The following PAIP2B variants were observed in gnomAD, a reference collection of about 807,000 sequenced individuals.
PAIP2B encodes polyadenylate-binding protein-interacting protein 2B.
A neutral mutation model predicts 17.0 loss-of-function variants in PAIP2B; 13 were observed. The observed-to-expected ratio is 0.76, with a 90% CI of 0.50 to 1.22. The LOEUF (loss-of-function observed/expected upper bound fraction) is 1.22, where lower values mean the gene tolerates loss of function less well. PAIP2B is among the 50% of genes most tolerant of loss of function. The pLI is 0.00. For synonymous variants in PAIP2B, 43 were observed against 48.7 expected, an observed-to-expected ratio of 0.88 and a Z score of 0.48; for missense variants, 117 against 144.5, an observed-to-expected ratio of 0.81 and a Z score of 0.98.
At chr2:71,224,811 C>T (rs1221131738) in intron 1 of PAIP2B, among the ~76,000 whole-genome samples, 1 of 152,200 alleles carries the variant, frequency 6.6e-6, no homozygotes, top group Non-Finnish European at 1.5e-5. Flanking sequence ...GAAATCATAG[C>T]TAGAGTCCTC....
At chr2:71,200,386 C>T (rs891662059) in intron 2 of PAIP2B, among the ~76,000 whole-genome samples, 1 of 152,116 alleles carries the variant, frequency 6.6e-6, no homozygotes, top group Non-Finnish European at 1.5e-5. Context: ...CCTCCTGCTC[C>T]CAAATGAAGG....
chr2:71,193,827 ACT>A (rs1030160547), intron 2 of PAIP2B, among the ~76,000 whole-genome samples: 4 of 150,212 alleles, frequency 2.7e-5, no homozygotes, highest in East Asian at 1.9e-4. Context: ...ACAGAGCAAG[ACT>A]CTGTCCCAAA....
chr2:71,189,791 C>A, intron 3 of PAIP2B, 54 bp downstream of exon 3: 1 of 1,455,096 alleles, frequency 6.9e-7, no homozygotes, highest in Admixed American at 2.3e-5. Context: ...TCTGTCATTC[C>A]AAATCCTATA....
chr2:71,198,731 T>C (rs1700486146), intron 2 of PAIP2B, among the ~76,000 whole-genome samples: 1 of 152,196 alleles, frequency 6.6e-6, no homozygotes, highest in African/African-American at 2.4e-5. Flanking sequence ...TGTCTTATTT[T>C]AGAGAACCAG....
chr2:71,226,238 G>GTTCA (rs1675721397), intron 1 of PAIP2B, among the ~76,000 whole-genome samples: 1 of 152,158 alleles, frequency 6.6e-6, no homozygotes, highest in African/African-American at 2.4e-5. Context: ...TGCGTATTCT[G>GTTCA]CCTCTCTCAG....
chr2:71,199,652 C>T (rs36020441), intron 2 of PAIP2B, among the ~76,000 whole-genome samples: 10,089 of 151,926 alleles, frequency 0.066, 374 homozygotes, highest in African/African-American at 0.092. Context: ...CCGCAAGCTC[C>T]GCCTCCTGGG....
At chr2:71,209,339 G>A (rs895336011) in intron 1 of PAIP2B, among the ~76,000 whole-genome samples, 1 of 152,188 alleles carries the variant, frequency 6.6e-6, no homozygotes, top group East Asian at 1.9e-4. Flanking sequence ...CATAGAAAGG[G>A]TCTAGTGGAG....
chr2:71,209,920 G>C (rs559541748), intron 1 of PAIP2B, among the ~76,000 whole-genome samples: 1 of 152,094 alleles, frequency 6.6e-6, no homozygotes, highest in South Asian at 2.1e-4. Context: ...CACCTCCTGG[G>C]TTCAAGCGAT....
intron 1 of PAIP2B, among the ~76,000 whole-genome samples, chr2:71,204,263 C>A (rs765034217): frequency 1.3e-5 from 2 of 152,136 alleles, no homozygotes; most frequent in Non-Finnish European, 2.9e-5. Context: ...TACCCCGACT[C>A]CCACCTTCCT....
chr2:71,195,189 T>C lies in PAIP2B; in HGVS notation c.139-5168A>G, dbSNP rs1272606987. Among the ~76,000 whole-genome samples the C allele has an allele frequency of 2.6e-5, 4 of 152,340 alleles. No individual in the cohort carries two copies. In the East Asian group the frequency reaches 7.7e-4, roughly 29 times the overall value. On this transcript the variant is annotated intron_variant, in intron 2 of 3. Coordinates refer to ENST00000244221, the MANE Select transcript of PAIP2B (RefSeq NM_020459.1). ...ATATTTCCCTGAAGTTTTCTTGTTT[T>C]GTTGTGTCTCTACTAGGTTTTGGTA...
chr2:71,213,943 C>T (rs1675364861), intron 1 of PAIP2B, among the ~76,000 whole-genome samples: 1 of 152,146 alleles, frequency 6.6e-6, no homozygotes, highest in South Asian at 2.1e-4. Flanking sequence ...ATAACAATCC[C>T]ACAAGGCAGG....
At chr2:71,210,485 T>G (rs1407243290) in intron 1 of PAIP2B, among the ~76,000 whole-genome samples, 2 of 152,208 alleles carry the variant, frequency 1.3e-5, no homozygotes, top group African/African-American at 2.4e-5. Flanking sequence ...AATGTTCCAT[T>G]GGCTATCTTC....
In PAIP2B at chr2:71,209,679, C is replaced by G. The variant is rs113210601; in HGVS notation, c.-11-7079G>C. On this transcript the variant is annotated intron_variant, in intron 1 of 3. Transcript: ENST00000244221. ...CCAGACAGCTCCTGGATTAATGCAT[C>G]AAACTCCAACTTTCTAACTTTCTAA... Among the ~76,000 whole-genome samples, 169 of 152,336 alleles carry G rather than the reference C, an allele frequency of 1.1e-3. 3 individuals are homozygous for G. Among genetic ancestry groups the G allele is most frequent in the African/African-American group, 3.6e-3 (151 of 41,582 alleles).
At chr2:71,207,766 G>A (rs1001666715) in intron 1 of PAIP2B, among the ~76,000 whole-genome samples, 4 of 152,120 alleles carry the variant, frequency 2.6e-5, no homozygotes, top group Non-Finnish European at 4.4e-5. Flanking sequence ...GAAATATCAA[G>A]GATAATTTTG....
chr2:71,205,126 C>T (rs1163105233), intron 1 of PAIP2B, among the ~76,000 whole-genome samples: 1 of 152,016 alleles, frequency 6.6e-6, no homozygotes, highest in Non-Finnish European at 1.5e-5. Flanking sequence ...CCAGGATGTG[C>T]TTATTCATGA....
intron 1 of PAIP2B, among the ~76,000 whole-genome samples, chr2:71,205,224 T>C (rs1366216678): frequency 6.6e-6 from 1 of 152,226 alleles, no homozygotes; most frequent in African/African-American, 2.4e-5. Flanking sequence ...AACACTGATA[T>C]GGTATTGTCA....
chr2:71,224,660 G>T (rs1572941702), intron 1 of PAIP2B, among the ~76,000 whole-genome samples: 1 of 152,168 alleles, frequency 6.6e-6, no homozygotes, highest in Non-Finnish European at 1.5e-5. Flanking sequence ...AGCAGTAGGA[G>T]ATGAGATCAG....
At chr2:71,224,887 T>C (rs1191587076) in intron 1 of PAIP2B, among the ~76,000 whole-genome samples, 1 of 152,240 alleles carries the variant, frequency 6.6e-6, no homozygotes, top group African/African-American at 2.4e-5. Flanking sequence ...AAAATAACTT[T>C]GGTTTTCAGC....
At chr2:71,216,202 C>T (rs771973462) in intron 1 of PAIP2B, among the ~76,000 whole-genome samples, 1 of 152,178 alleles carries the variant, frequency 6.6e-6, no homozygotes, top group Non-Finnish European at 1.5e-5. Context: ...TTAATAAGCA[C>T]TCAAAGCTCT....
Sources: gnomAD v4.1 joint callset for allele counts (sites outside exome capture counted in the v4.1 genomes callset) on GRCh38, gnomAD v4.1.1 for gene constraint, MANE v1.5 for transcripts, NCBI Gene and HGNC (gene_info 2026-07-23, HGNC 2026-07-21) for gene names.